The following CLN6 variants were observed in gnomAD, a reference collection of about 807,000 sequenced individuals.
CLN6 encodes the protein ceroid-lipofuscinosis neuronal protein 6.
Under a neutral mutation model 33.3 loss-of-function variants are expected in CLN6, and 22 were observed. The ratio of observed to expected loss-of-function variants is 0.66; its 90% CI spans 0.47 to 0.94. The LOEUF (loss-of-function observed/expected upper bound fraction) is 0.94, where lower values mean the gene tolerates loss of function less well. Among genes scored for constraint, CLN6 ranks in the 40% least tolerant of loss-of-function variants. The pLI, the probability that CLN6 is intolerant of heterozygous loss-of-function variation, is 0.00. For synonymous variants in CLN6, 201 were observed against 174.6 expected (o/e 1.15, Z -1.19); for missense variants, 387 against 417.1 (o/e 0.93, Z 0.63).
At chr15:68,253,360 CT>C (rs1328359134) in intron 1 of CLN6, among the ~76,000 whole-genome samples, 1 of 152,128 alleles carries the variant, frequency 6.6e-6, no homozygotes, top group Non-Finnish European at 1.5e-5. Flanking sequence ...GGTTATGTAA[CT>C]ATTTTTGCAA....
intron 2 of CLN6, among the ~76,000 whole-genome samples, chr15:68,216,882 G>A (rs2093221828): frequency 6.6e-6 from 1 of 152,240 alleles, no homozygotes; most frequent in African/African-American, 2.4e-5. Flanking sequence ...TTATGTGACA[G>A]AGAATTCAAC....
chr15:68,226,223 G>A (rs2093251424), intron 1 of CLN6, among the ~76,000 whole-genome samples: 1 of 151,348 alleles, frequency 6.6e-6, no homozygotes, highest in African/African-American at 2.4e-5. Context: ...GGAGGCTGAG[G>A]CAGGAGAATC....
upstream of CLN6, among the ~76,000 whole-genome samples, chr15:68,232,649 A>C (rs2093270016): frequency 6.6e-6 from 1 of 152,138 alleles, no homozygotes; most frequent in African/African-American, 2.4e-5. The surrounding 1 kb of genome is among the most constrained non-coding windows in gnomAD (Gnocchi z 4.7). Context: ...CCATGGAGTG[A>C]ACTTTGACCA....
chr15:68,211,014 G>C lies in CLN6; in HGVS notation c.542+249C>G, dbSNP rs1273038370. ...CCACAGCGGGCACTGAGGGCTGGGC[G>C]GGGGTGGCGATGCTGGGGGGATGCT... On this transcript the variant is annotated intron_variant, in intron 5 of 6. Coordinates refer to ENST00000249806, the MANE Select transcript of CLN6 (RefSeq NM_017882.3). This position sits in a 1 kb window ranked among gnomAD's most constrained non-coding sequence, Gnocchi z 5.9. 6.6e-6 allele frequency among the ~76,000 whole-genome samples: 1 copy of C among 152,340 alleles called. No homozygotes were observed. The highest frequency in any genetic ancestry group is 1.9e-4 in the East Asian group (1 of 5,166).
Position 68,252,030 on chromosome 15 carries a change from G to T in CLN6, c.179+4660C>A, listed in dbSNP as rs556276846. On this transcript the variant is annotated intron_variant, in intron 1 of 6. Coordinates refer to the CLN6 transcript ENST00000538696. ...GGTCTGTCGCCCAGGCTAGAGTGCAGTGGCGTGATCTCGGCTCACCGCAAC... is the reference window on the plus strand; with the variant it reads ...GGTCTGTCGCCCAGGCTAGAGTGCATTGGCGTGATCTCGGCTCACCGCAAC... 1.5e-3 allele frequency among the ~76,000 whole-genome samples: 217 copies of T among 140,480 alleles called. 4 individuals are homozygous for T. The highest frequency in any genetic ancestry group is 5.5e-3 in the African/African-American group (206 of 37,532). The allele number at this position is 140,480 out of a possible 152,430, so 92.2% of individuals were successfully genotyped here.
intron 1 of CLN6, among the ~76,000 whole-genome samples, chr15:68,240,553 A>T (rs1013347563): frequency 1.3e-5 from 2 of 152,180 alleles, no homozygotes; most frequent in East Asian, 3.8e-4. Context: ...CTGAGCTGAG[A>T]TCGTGCCACT....
chr15:68,212,076 C>A, intron 3 of CLN6: 1 of 593,716 alleles, frequency 1.7e-6, no homozygotes, highest in Non-Finnish European at 3.0e-6. Flanking sequence ...GCACCCCCCG[C>A]TGACTTTACC....
rs745758009 is a variant in CLN6, at chr15:68,219,594, A to G, written c.84-944T>C. Among the ~76,000 whole-genome samples, 37 of 152,176 alleles carry G rather than the reference A, an allele frequency of 2.4e-4. No homozygotes were observed. Among genetic ancestry groups the G allele is most frequent in the Non-Finnish European group, 4.7e-4 (32 of 68,030 alleles). On this transcript the variant is annotated intron_variant, in intron 1 of 6. Transcript: ENST00000249806. The surrounding 1 kb of genome is among the most constrained non-coding windows in gnomAD (Gnocchi z 4.2). The stretch of plus-strand genomic sequence containing the variant: ...TCCTCTGGGAAGGCTTCCCTGATGA[A>G]GCTTTTCCCAAAGCCCCACCAGCCC...
rs2093199272 is a variant in CLN6, at chr15:68,209,749, A to C, written c.553T>G (p.Phe185Val). ...AAGTACATGAAGAGGATGAGGAAGA[A>C]GGGGATGTACCTGTGACAGGAAGGC... is the stretch of plus-strand genomic sequence containing the variant. ...YLGHCMWYIPFFLILFMYFSG... is the reference protein window; with the variant it reads ...YLGHCMWYIPVFLILFMYFSG... Residue 185 changes from phenylalanine (F) to valine (V), a missense_variant, in exon 6 of 7, where the codon TTC becomes GTC. Phe to Val is a conservative substitution (Grantham distance 50). Coordinates refer to ENST00000249806, the MANE Select transcript of CLN6 (RefSeq NM_017882.3). This position sits in a 1 kb window ranked among gnomAD's most constrained non-coding sequence, Gnocchi z 4.9. 2.5e-6 allele frequency: 4 copies of C among 1,613,472 alleles called. No homozygotes were observed. The highest frequency in any genetic ancestry group is 1.7e-6 in the Non-Finnish European group (2 of 1,179,810).
Position 68,207,659 on chromosome 15 carries a change from A to C in CLN6, c.*481T>G, listed in dbSNP as rs746416658. 12 of 209,474 alleles carry C rather than the reference A, an allele frequency of 5.7e-5. No homozygotes were observed. Among genetic ancestry groups the C allele is most frequent in the Non-Finnish European group, 9.8e-5 (10 of 102,168 alleles). 13.0% of individuals were successfully genotyped at this position (209,474 alleles called of 1,614,324 possible). A position where few individuals can be genotyped will look rare whatever the true frequency, so the allele number is the denominator to read the frequency against. Reference sequence around the variant, plus strand: ...GAGAAATGCTTTGCTCAACAGCCACAGTAGGCTGACGTAACCTATGTAATG... The same window carrying C: ...GAGAAATGCTTTGCTCAACAGCCACCGTAGGCTGACGTAACCTATGTAATG... On this transcript the variant is annotated 3_prime_UTR_variant, in exon 7 of 7. Transcript: ENST00000249806.
chr15:68,229,769 C>T (rs1011599915), upstream of CLN6: 9 of 219,088 alleles, frequency 4.1e-5, no homozygotes, highest in Non-Finnish European at 6.7e-5. Flanking sequence ...CGGAGCGGAG[C>T]GGAGCGGAGG....
intron 1 of CLN6, among the ~76,000 whole-genome samples, chr15:68,253,870 A>ATT (rs5813479): frequency 0.083 from 11,823 of 141,778 alleles, 1,530 homozygotes; most frequent in African/African-American, 0.27. Flanking sequence ...ATAAAACTAC[A>ATT]TTTTTTTTTT....
rs1892327606 is a variant in CLN6 at position 68,246,136 on chromosome 15, A to C, written c.179+10554T>G. Among the ~76,000 whole-genome samples, 1 of 152,182 alleles carries C rather than the reference A, an allele frequency of 6.6e-6. No individual in the cohort carries two copies. The highest frequency in any genetic ancestry group is 1.5e-5 in the Non-Finnish European group (1 of 68,034). Reference sequence around the variant, plus strand: ...ATACAGTAGGGGACTTCAACACCCCACTTTTCAGTAATAAACAGATCATCC... The same window carrying C: ...ATACAGTAGGGGACTTCAACACCCCCCTTTTCAGTAATAAACAGATCATCC... On this transcript the variant is annotated intron_variant, in intron 1 of 6. Coordinates refer to the CLN6 transcript ENST00000538696. This position sits in a 1 kb window ranked among gnomAD's most constrained non-coding sequence, Gnocchi z 4.5.
At position 68,242,836 on chromosome 15, in the gene CLN6, G is replaced by A; in HGVS notation, c.179+13854C>T. Among the ~76,000 whole-genome samples the A allele has an allele frequency of 6.6e-6, 1 of 152,178 alleles. No individual in the cohort carries two copies. The highest frequency in any genetic ancestry group is 1.9e-4 in the East Asian group (1 of 5,190). ...CATTAGATGATAGGTAAGGCCTGGG[G>A]ACATGTGGAGAGCCATGCCCACCAG... On this transcript the variant is annotated intron_variant, in intron 1 of 6. Coordinates refer to the CLN6 transcript ENST00000538696. This position sits in a 1 kb window ranked among gnomAD's most constrained non-coding sequence, Gnocchi z 5.0.
chr15:68,251,307 G>T (rs1469280705), intron 1 of CLN6, among the ~76,000 whole-genome samples: 1 of 152,108 alleles, frequency 6.6e-6, no homozygotes, highest in Admixed American at 6.6e-5. Flanking sequence ...TATTGTTAAA[G>T]GTTATTTTTA....
rs539749131 is a variant in CLN6 at position 68,247,531 on chromosome 15, C to G, written c.179+9159G>C. 1.3e-5 allele frequency among the ~76,000 whole-genome samples: 2 copies of G among 152,040 alleles called. No individual in the cohort carries two copies. The highest frequency in any genetic ancestry group is 4.8e-5 in the African/African-American group (2 of 41,368). On this transcript the variant is annotated intron_variant, in intron 1 of 6. Transcript: ENST00000538696. This position sits in a 1 kb window ranked among gnomAD's most constrained non-coding sequence, Gnocchi z 4.2. ...CACTGAAGAAATAAATTGAAGAGGA[C>G]ACAGCAAAATGGAAAGCTATTCCAT... is the stretch of plus-strand genomic sequence containing the variant.
chr15:68,211,219 G>T lies in CLN6; in HGVS notation c.542+44C>A. On this transcript the variant is annotated intron_variant, in intron 5 of 6. Transcript: ENST00000249806. This position sits in a 1 kb window ranked among gnomAD's most constrained non-coding sequence, Gnocchi z 5.9. ...CCCTGAGCCAGTGACAGGGCTAGCCGGTAGTTGGGGCCCCTGGGATAGACA... is the reference window on the plus strand; with the variant it reads ...CCCTGAGCCAGTGACAGGGCTAGCCTGTAGTTGGGGCCCCTGGGATAGACA... 6.4e-7 allele frequency: 1 copy of T among 1,565,476 alleles called. No homozygotes were observed. The highest frequency in any genetic ancestry group is 1.1e-5 in the South Asian group (1 of 90,104).
rs2141162535 is a variant in CLN6, at chr15:68,241,664, C to T, written c.179+15026G>A. ...TAGCCCTAGAAACATGGTTCTGTAACTCGGCCAAAGAAGACACCAAATCAG... is the reference window on the plus strand; with the variant it reads ...TAGCCCTAGAAACATGGTTCTGTAATTCGGCCAAAGAAGACACCAAATCAG... On this transcript the variant is annotated intron_variant, in intron 1 of 6. Transcript: ENST00000538696. The surrounding 1 kb of genome is among the most constrained non-coding windows in gnomAD (Gnocchi z 4.2). Among the ~76,000 whole-genome samples the T allele has an allele frequency of 6.6e-6, 1 of 152,274 alleles. No homozygotes were observed. The highest frequency in any genetic ancestry group is 6.5e-5 in the Admixed American group (1 of 15,296).
At chr15:68,218,365 T>C (rs926772365) in intron 2 of CLN6, 171 bp downstream of exon 2, 7 of 577,516 alleles carry the variant, frequency 1.2e-5, no homozygotes, top group South Asian at 5.3e-5. Flanking sequence ...TTGCTGGCAG[T>C]TGCCTGACGG....
Sources: allele counts gnomAD v4.1 joint callset (sites outside exome capture counted in the v4.1 genomes callset), GRCh38; gene constraint gnomAD v4.1.1; non-coding constraint Gnocchi (gnomAD v3.1); transcripts MANE v1.5; gene names NCBI Gene and HGNC (gene_info 2026-07-23, HGNC 2026-07-21).